Variants in RNF10 observed in about 807,000 individuals in gnomAD.
RNF10 encodes ring finger protein 10.
Under a neutral mutation model 91.4 loss-of-function variants are expected in RNF10, and 38 were observed. The ratio of observed to expected loss-of-function variants is 0.42; its 90% confidence interval spans 0.32 to 0.54. The LOEUF is 0.54. Among genes scored for constraint, RNF10 ranks in the 20% least tolerant of loss-of-function variants. The pLI is 0.16. For missense variants in RNF10, 945 were observed against 1,012.0 expected, an observed-to-expected ratio of 0.93 and a Z score of 0.90; for synonymous variants, 364 against 366.3, an observed-to-expected ratio of 0.99 and a Z score of 0.07.
chr12:120,574,731 G>T, intron 14 of RNF10: 1 of 318,950 alleles, frequency 3.1e-6, no homozygotes, highest in South Asian at 2.6e-5. Context: ...TTCGAGACCA[G>T]CCTGACCAAC....
chr12:120,560,849 A>C lies in RNF10; in HGVS notation c.1091A>C (p.Glu364Ala). 3 of 1,614,156 alleles carry C rather than the reference A, an allele frequency of 1.9e-6. No homozygotes were observed. Among genetic ancestry groups the C allele is most frequent in the Non-Finnish European group, 2.5e-6 (3 of 1,180,026 alleles). The stretch of plus-strand genomic sequence containing the variant: ...CTGGCAGAGGAGAAGCACACTCCCG[A>C]GTCCTGCTTTATTGAGGCAGCTATC... Reference protein sequence around the residue: ...QQLAEEKHTPESCFIEAAIQE... With the variant: ...QQLAEEKHTPASCFIEAAIQE... The change falls in exon 7 of 17, where the codon GAG becomes GCG. Residue 364 changes from glutamate (E) to alanine (A), a missense_variant. By Grantham distance (107) the Glu-to-Ala change is moderately radical (BLOSUM62 -1). Coordinates refer to ENST00000325954, the MANE Select transcript of RNF10 (RefSeq NM_014868.5).
In RNF10 at chr12:120,546,414, A is replaced by G. The variant is rs1465028468; in HGVS notation, c.167A>G (p.Asn56Ser). 1.2e-6 allele frequency: 2 copies of G among 1,608,482 alleles called. No individual in the cohort carries two copies. Among genetic ancestry groups the G allele is most frequent in the African/African-American group, 2.7e-5 (2 of 74,392 alleles). ...GESKPKSDGK[N>S]SSGSKRYNRK... ...TGTTTCTTGCTTTCAGATGGAAAGA[A>G]CTCCAGTGGATCCAAGCGTTATAAT... The change falls in exon 2 of 17, where the codon AAC (asparagine) becomes AGC (serine). Residue 56 changes from asparagine to serine, a missense_variant. Asn to Ser is a conservative substitution (Grantham distance 46, BLOSUM62 1). Coordinates refer to ENST00000325954, the MANE Select transcript of RNF10 (RefSeq NM_014868.5).
intron 7 of RNF10, among the ~76,000 whole-genome samples, 200 bp downstream of exon 7, chr12:120,561,086 G>A (rs1297593426): frequency 6.6e-6 from 1 of 152,108 alleles, no homozygotes; most frequent in Non-Finnish European, 1.5e-5. Context: ...TTTGATGACA[G>A]TAGAGAAGGT....
At chr12:120,563,247 A>G in intron 8 of RNF10, 100 bp from the exon 9 acceptor site, 7 of 1,490,766 alleles carry the variant, frequency 4.7e-6, no homozygotes, top group Non-Finnish European at 5.5e-6. Context: ...GACAGCTAAG[A>G]TAAACATCTA....
chr12:120,543,748 C>T (rs117725109), intron 1 of RNF10, among the ~76,000 whole-genome samples: 6,907 of 152,068 alleles, frequency 0.045, 260 homozygotes, highest in South Asian at 0.1. Flanking sequence ...TGCAGTAAGC[C>T]GAGATCATGC....
intron 1 of RNF10, among the ~76,000 whole-genome samples, chr12:120,538,393 T>C (rs1871128161): frequency 6.6e-6 from 1 of 152,212 alleles, no homozygotes; most frequent in Admixed American, 6.6e-5. Context: ...CCTTCATTTG[T>C]ACACAGGAAA....
intron 14 of RNF10, 78 bp from the exon 15 acceptor site, chr12:120,575,553 G>T: frequency 6.7e-7 from 1 of 1,499,390 alleles, no homozygotes; most frequent in Non-Finnish European, 9.3e-7. Flanking sequence ...TGCCTCTCCA[G>T]TTAGTCAAGG....
chr12:120,569,610 C>T (rs906902481), intron 13 of RNF10, among the ~76,000 whole-genome samples: 10 of 137,262 alleles, frequency 7.3e-5, no homozygotes, highest in Non-Finnish European at 1.4e-4. Flanking sequence ...ACAATCTCGG[C>T]TCACTGCAAC....
intron 2 of RNF10, among the ~76,000 whole-genome samples, chr12:120,547,346 C>T (rs941805180): frequency 7.9e-5 from 12 of 152,202 alleles, no homozygotes; most frequent in Non-Finnish European, 1.3e-4. Context: ...CTCTGTAGTA[C>T]ATTGGCATGA....
chr12:120,563,812 G>A lies in RNF10; in HGVS notation c.1534G>A (p.Glu512Lys), dbSNP rs1220827722. 6.2e-7 allele frequency: 1 copy of A among 1,613,950 alleles called. No homozygotes were observed. The highest frequency in any genetic ancestry group is 2.2e-5 in the East Asian group (1 of 44,890). The change falls in exon 10 of 17, where the codon GAA becomes AAA. Residue 512 changes from glutamate to lysine, a missense_variant and splice_region_variant. Physicochemically the swap from Glu to Lys is moderately conservative, Grantham distance 56. Coordinates refer to ENST00000325954, the MANE Select transcript of RNF10 (RefSeq NM_014868.5). The stretch of plus-strand genomic sequence containing the variant: ...GTGATAGAGCCCCTTGTCCTCAGCG[G>A]AAGATGGACAGCATATGTTCCTGCA... The part of the protein sequence containing the change: ...SSPCYYFYQA[E>K]DGQHMFLHPV...
chr12:120,563,200 T>A, intron 8 of RNF10, 130 bp downstream of exon 8: 1 of 1,491,680 alleles, frequency 6.7e-7, no homozygotes, highest in Non-Finnish European at 9.2e-7. Flanking sequence ...ATGCTTGTTA[T>A]TAGTTCTTTC....
At chr12:120,567,103 G>A (rs1875860017) in intron 13 of RNF10, 123 bp downstream of exon 13, 5 of 884,420 alleles carry the variant, frequency 5.7e-6, no homozygotes, top group African/African-American at 1.7e-5. Flanking sequence ...ACCTTACTTT[G>A]GTAGTCCTGA....
At chr12:120,541,732 C>CT (rs1200077211) in intron 1 of RNF10, among the ~76,000 whole-genome samples, 317 of 142,300 alleles carry the variant, frequency 2.2e-3, no homozygotes, top group Middle Eastern at 3.8e-3. Context: ...TCGTGCCTGG[C>CT]TTTTTTTTTT....
chr12:120,558,428 T>A (rs562787942), intron 6 of RNF10, among the ~76,000 whole-genome samples: 1 of 151,652 alleles, frequency 6.6e-6, no homozygotes, highest in Non-Finnish European at 1.5e-5. Flanking sequence ...GTTTAGCAAC[T>A]TAAAACATTA....
In RNF10 at chr12:120,563,587, C is replaced by T. The variant is rs150334309; in HGVS notation, c.1495C>T (p.Arg499Cys). 2.9e-5 allele frequency: 47 copies of T among 1,611,268 alleles called. 1 individual carries two copies. Among genetic ancestry groups the T allele is most frequent in the South Asian group, 1.8e-4 (16 of 90,638 alleles). The part of the protein sequence containing the change: ...QEPITKSGFT[R>C]LSSSPCYYFY... ...ACCCATCACCAAGTCAGGCTTCACACGCCTCAGCAGCTCTCCTTGTTACTA... is the reference window on the plus strand; with the variant it reads ...ACCCATCACCAAGTCAGGCTTCACATGCCTCAGCAGCTCTCCTTGTTACTA... Residue 499 changes from arginine (R) to cysteine (C), a missense_variant, in exon 9 of 17, where the codon CGC (arginine) becomes TGC (cysteine). Coordinates refer to ENST00000325954, the MANE Select transcript of RNF10 (RefSeq NM_014868.5).
At chr12:120,565,221 A>G (rs553718877) in intron 11 of RNF10, 32 bp downstream of exon 11, 3 of 1,449,524 alleles carry the variant, frequency 2.1e-6, no homozygotes, top group Admixed American at 3.4e-5. Flanking sequence ...TTCTCTTTAT[A>G]GTAGGGTTCA....
intron 1 of RNF10, among the ~76,000 whole-genome samples, chr12:120,536,768 G>C (rs935664559): frequency 2.6e-5 from 4 of 152,138 alleles, no homozygotes; most frequent in Admixed American, 2.0e-4. Context: ...TTAAGGATTT[G>C]GTTCTCCAAC....
chr12:120,552,740 C>A, intron 3 of RNF10, 42 bp downstream of exon 3: 1 of 1,558,662 alleles, frequency 6.4e-7, no homozygotes, highest in East Asian at 2.2e-5. Flanking sequence ...AAGTAGGACT[C>A]TCCGGATAGC....
chr12:120,571,199 C>G lies in RNF10; in HGVS notation c.2050C>G (p.Leu684Val). The change falls in exon 14 of 17, where the codon CTG (leucine) becomes GTG (valine). Residue 684 changes from leucine to valine, a missense_variant. Transcript: ENST00000325954. Reference sequence around the variant, plus strand: ...CTCTGGTTCCCTTTCAGACTTTCTGCTGACCCCTCTGTCACCCACTGCCAG... The same window carrying G: ...CTCTGGTTCCCTTTCAGACTTTCTGGTGACCCCTCTGTCACCCACTGCCAG... ...RSPGSHADFL[L>V]TPLSPTASQG... 5 of 1,613,064 alleles carry G rather than the reference C, an allele frequency of 3.1e-6. No individual in the cohort carries two copies. Among genetic ancestry groups the G allele is most frequent in the Non-Finnish European group, 4.2e-6 (5 of 1,179,246 alleles).
Sources: allele counts gnomAD v4.1 joint callset (sites outside exome capture counted in the v4.1 genomes callset), GRCh38; gene constraint gnomAD v4.1.1; transcripts MANE v1.5; gene names NCBI Gene and HGNC (gene_info 2026-07-23, HGNC 2026-07-21).